The following TOGARAM1 variants were observed in gnomAD, a reference collection of about 807,000 sequenced individuals.
TOGARAM1 encodes the protein TOG array regulator of axonemal microtubules protein 1.
TOGARAM1 carries 100 observed loss-of-function variants against 166.6 expected under a neutral mutation model. That is an observed-to-expected ratio of 0.60 (90% confidence interval 0.51 to 0.71). The LOEUF (loss-of-function observed/expected upper bound fraction) is 0.71, where lower values mean the gene tolerates loss of function less well. TOGARAM1 is among the 30% of genes least tolerant of loss of function. The pLI, the probability that TOGARAM1 is intolerant of heterozygous loss-of-function variation, is 0.00. For synonymous variants in TOGARAM1, 758 were observed against 763.8 expected, an observed-to-expected ratio of 0.99 and a Z score of 0.13; for missense variants, 2,029 against 2,102.7, an observed-to-expected ratio of 0.96 and a Z score of 0.69.
At chr14:45,048,179 C>T (rs746406749) in intron 14 of TOGARAM1, among the ~76,000 whole-genome samples, 1 of 151,572 alleles carries the variant, frequency 6.6e-6, no homozygotes, top group Admixed American at 6.6e-5. Flanking sequence ...TGGTGAAACC[C>T]CATCTCTACT....
chr14:45,022,332 G>T (rs1880568937), intron 7 of TOGARAM1, among the ~76,000 whole-genome samples: 1 of 150,248 alleles, frequency 6.7e-6, no homozygotes, highest in Non-Finnish European at 1.5e-5. Flanking sequence ...AAATCCCTGA[G>T]ATTTGGGTAT....
chr14:44,994,466 T>A (rs1887319301), intron 1 of TOGARAM1, among the ~76,000 whole-genome samples: 2 of 152,162 alleles, frequency 1.3e-5, no homozygotes, highest in South Asian at 4.1e-4. Flanking sequence ...TCACTCAGGC[T>A]GGAGTGCAGT....
At chr14:45,056,020 C>T (rs1024519660) in intron 16 of TOGARAM1, among the ~76,000 whole-genome samples, 5 of 150,072 alleles carry the variant, frequency 3.3e-5, no homozygotes, top group African/African-American at 1.2e-4. Flanking sequence ...GGATGTTTTT[C>T]CATTTGTTTG....
intron 7 of TOGARAM1, among the ~76,000 whole-genome samples, chr14:45,018,310 G>T (rs1015868888): frequency 6.6e-6 from 1 of 152,010 alleles, no homozygotes; most frequent in East Asian, 1.9e-4. Context: ...TGCAGTCTTG[G>T]CTCACTGCAA....
chr14:44,984,676 G>A (rs926720863), intron 1 of TOGARAM1, among the ~76,000 whole-genome samples: 1 of 151,840 alleles, frequency 6.6e-6, no homozygotes, highest in African/African-American at 2.4e-5. Flanking sequence ...TTGGGAAGCT[G>A]ACGTAGAAGG....
At chr14:44,966,655 A>G (rs1885558021) in intron 1 of TOGARAM1, among the ~76,000 whole-genome samples, 1 of 152,096 alleles carries the variant, frequency 6.6e-6, no homozygotes, top group African/African-American at 2.4e-5. Context: ...AAATTTAACT[A>G]GTGGCTGGCT....
intron 7 of TOGARAM1, among the ~76,000 whole-genome samples, chr14:45,021,254 G>A (rs910206660): frequency 1.3e-5 from 2 of 152,134 alleles, no homozygotes; most frequent in Admixed American, 1.3e-4. Context: ...ATGAGTATTT[G>A]CATGCATGCA....
At chr14:45,061,331 A>G (rs1882892766) in intron 16 of TOGARAM1, among the ~76,000 whole-genome samples, 1 of 152,186 alleles carries the variant, frequency 6.6e-6, no homozygotes, top group African/African-American at 2.4e-5. Flanking sequence ...ATTCTCCAGC[A>G]TCTTCTTGTA....
At chr14:45,058,297 C>CTTTTTTTTTTTTT (rs749622003) in intron 16 of TOGARAM1, among the ~76,000 whole-genome samples, 1 of 141,184 alleles carries the variant, frequency 7.1e-6, no homozygotes. Context: ...TGTAGAGTGT[C>CTTTTTTTTTTTTT]TTTTTTTTTT....
chr14:45,052,425 A>AT lies in TOGARAM1; in HGVS notation c.4314-11_4314-10insT. On this transcript the variant is annotated splice_polypyrimidine_tract_variant and intron_variant, in intron 14 of 19. Transcript: ENST00000361462. ...TAAAAAGTAATATACCTGTTTTTCA[A>AT]ATACTCACAGGTATTATGGTCGAAA... The AT allele has an allele frequency of 6.2e-7, 1 of 1,602,004 alleles. No individual in the cohort carries two copies. Among genetic ancestry groups the AT allele is most frequent in the Non-Finnish European group, 8.5e-7 (1 of 1,172,674 alleles).
chr14:44,967,404 C>T (rs1035269916), intron 1 of TOGARAM1, among the ~76,000 whole-genome samples: 5 of 152,138 alleles, frequency 3.3e-5, no homozygotes, highest in Admixed American at 1.3e-4. Flanking sequence ...AACCAACTAC[C>T]TACTAAGTAA....
In TOGARAM1 at chr14:44,984,691, A is replaced by G. The variant is rs578262230; in HGVS notation, c.2047-11055A>G. Among the ~76,000 whole-genome samples, 17 of 151,936 alleles carry G rather than the reference A, an allele frequency of 1.1e-4. No individual in the cohort carries two copies. The East Asian group carries it at 3.3e-3, about 29-fold the overall frequency. ...TTGGGAAGCTGACGTAGAAGGATCG[A>G]TAGAGCCCAGGAGTTCAGGTGTGCA... On this transcript the variant is annotated intron_variant, in intron 1 of 19. Coordinates refer to ENST00000361462, the MANE Select transcript of TOGARAM1 (RefSeq NM_001308120.2).
chr14:44,990,279 G>A (rs925984857), intron 1 of TOGARAM1, among the ~76,000 whole-genome samples: 4 of 152,204 alleles, frequency 2.6e-5, no homozygotes, highest in African/African-American at 7.2e-5. Flanking sequence ...CACTGCTGCC[G>A]TCTGTGTGAA....
At chr14:45,070,075 G>A (rs994181372) in intron 18 of TOGARAM1, among the ~76,000 whole-genome samples, 1 of 152,032 alleles carries the variant, frequency 6.6e-6, no homozygotes, top group Non-Finnish European at 1.5e-5. Context: ...CCAGCTACTT[G>A]GGAGGCTGAG....
At chr14:45,063,133 T>C (rs1394440194) in intron 16 of TOGARAM1, among the ~76,000 whole-genome samples, 1 of 152,210 alleles carries the variant, frequency 6.6e-6, no homozygotes, top group Non-Finnish European at 1.5e-5. Context: ...TTAATCAAAA[T>C]ATCAAGGGCT....
intron 1 of TOGARAM1, among the ~76,000 whole-genome samples, chr14:44,988,785 C>T (rs1203467709): frequency 6.6e-6 from 1 of 152,220 alleles, no homozygotes; most frequent in Non-Finnish European, 1.5e-5. Context: ...CAGTTGCTCT[C>T]GCTCACTTGA....
In TOGARAM1 at chr14:44,964,951, TAAAAAAAAAAA is replaced by T. The variant is rs35780816; in HGVS notation, c.2046+496_2046+506del. On this transcript the variant is annotated intron_variant, in intron 1 of 19. Coordinates refer to ENST00000361462, the MANE Select transcript of TOGARAM1 (RefSeq NM_001308120.2). ...AGAAAAACTAATTCCACTAGAAAAG[TAAAAAAAAAAA>T]AAAAAAAAAAAGGAAAAAGAAAAAG... 1.9e-3 allele frequency among the ~76,000 whole-genome samples: 161 copies of T among 85,884 alleles called. 2 individuals are homozygous for T. The highest frequency in any genetic ancestry group is 7.3e-3 in the African/African-American group (153 of 20,954). The allele number at this position is 85,884 out of a possible 152,430, so 56.3% of individuals were successfully genotyped here.
At chr14:45,056,467 C>T (rs1882644012) in intron 16 of TOGARAM1, among the ~76,000 whole-genome samples, 1 of 151,962 alleles carries the variant, frequency 6.6e-6, no homozygotes, top group Non-Finnish European at 1.5e-5. Flanking sequence ...ATGCTTTCAG[C>T]TTTTTCCTAT....
intron 10 of TOGARAM1, among the ~76,000 whole-genome samples, chr14:45,030,153 T>C (rs1184153621): frequency 6.6e-6 from 1 of 152,192 alleles, no homozygotes; most frequent in Non-Finnish European, 1.5e-5. Flanking sequence ...AAAATCTTCA[T>C]TTGAGCATCA....
Sources: gnomAD v4.1 joint callset for allele counts (sites outside exome capture counted in the v4.1 genomes callset) on GRCh38, gnomAD v4.1.1 for gene constraint, MANE v1.5 for transcripts, NCBI Gene and HGNC (gene_info 2026-07-23, HGNC 2026-07-21) for gene names.